PIP4K2B: variants seen among roughly 807,000 people sequenced by gnomAD.
PIP4K2B encodes phosphatidylinositol-5-phosphate 4-kinase type 2 beta, also known as phosphatidylinositol 5-phosphate 4-kinase type-2 beta.
In PIP4K2B, 3 loss-of-function variants were observed where a neutral mutation model predicts 42.0. That is an observed-to-expected ratio of 0.07 (90% CI 0.03 to 0.18). The LOEUF (loss-of-function observed/expected upper bound fraction) is 0.18. Ranked by LOEUF, PIP4K2B falls within the 10% of genes least tolerant of loss-of-function variation. PIP4K2B has a pLI of 1.00. For missense variants in PIP4K2B, 332 were observed against 562.3 expected (o/e 0.59, Z 4.14); for synonymous variants, 204 against 210.1 (o/e 0.97, Z 0.25).
At position 38,766,480 on chromosome 17, in the gene PIP4K2B, C is replaced by G. The variant is rs562457259; in HGVS notation, c.*3211G>C. The G allele has an allele frequency of 1.4e-4, 21 of 152,828 alleles. No individual in the cohort carries two copies. Among genetic ancestry groups the G allele is most frequent in the African/African-American group, 4.8e-4 (20 of 41,576 alleles). 9.5% of individuals were successfully genotyped at this position (152,828 alleles called of 1,614,324 possible). On this transcript the variant is annotated 3_prime_UTR_variant, in exon 10 of 10. Transcript: ENST00000619039. ...TTGGTCCACCTCCCCAAGGTATGCC[C>G]TGGCAGACCATGAAGACAGGAAAGG...
chr17:38,795,729 C>T (rs951793517), intron 1 of PIP4K2B, among the ~76,000 whole-genome samples: 17 of 145,074 alleles, frequency 1.2e-4, no homozygotes, highest in Non-Finnish European at 2.4e-4. Context: ...CCAGCCTGGG[C>T]GACAGAGCAA....
chr17:38,791,268 T>C (rs1005756617), intron 1 of PIP4K2B, among the ~76,000 whole-genome samples: 1 of 152,062 alleles, frequency 6.6e-6, no homozygotes, highest in Non-Finnish European at 1.5e-5. Context: ...CAAGAGCACT[T>C]GACATTAGGA....
At chr17:38,784,222 T>C (rs780114359) in intron 3 of PIP4K2B, 21 bp downstream of exon 3, 80 of 1,446,130 alleles carry the variant, frequency 5.5e-5, no homozygotes, top group Admixed American at 5.1e-4. Flanking sequence ...AATCCACTGA[T>C]GTTGCCAGGA....
intron 7 of PIP4K2B, among the ~76,000 whole-genome samples, chr17:38,777,413 G>A (rs1317689751): frequency 6.6e-6 from 1 of 152,090 alleles, no homozygotes. Flanking sequence ...AACAGCAGAA[G>A]GGAGTTTGAA....
chr17:38,780,411 CCAACCCATCCTCTG>C, intron 4 of PIP4K2B, 27 bp downstream of exon 4: 1 of 1,564,004 alleles, frequency 6.4e-7, no homozygotes, highest in Non-Finnish European at 8.7e-7. Flanking sequence ...TCTCCCTCTT[CCAACCCATCCTCTG>C]CAGCCCAGGC....
In PIP4K2B at chr17:38,771,272, A is replaced by G; in HGVS notation, c.808T>C (p.Phe270Leu). The part of the protein sequence containing the change: ...FLEKLKRDVE[F>L]LAQLKIMDYS... ...TCCATGATCTTCAGCTGTGCCAAGAACTAGGAAGGGCAAGGATGGAAAGAT... is the reference window on the plus strand; with the variant it reads ...TCCATGATCTTCAGCTGTGCCAAGAGCTAGGAAGGGCAAGGATGGAAAGAT... The change falls in exon 8 of 10, where the codon TTC (phenylalanine) becomes CTC (leucine). Residue 270 changes from phenylalanine to leucine, a missense_variant and splice_region_variant. Physicochemically the swap from Phe to Leu is conservative, Grantham distance 22. Transcript: ENST00000619039. The G allele has an allele frequency of 6.2e-7, 1 of 1,614,154 alleles. No individual in the cohort carries two copies. The highest frequency in any genetic ancestry group is 1.7e-5 in the Admixed American group (1 of 60,024).
chr17:38,786,097 C>A (rs1021282658), intron 2 of PIP4K2B, among the ~76,000 whole-genome samples: 1 of 152,284 alleles, frequency 6.6e-6, no homozygotes. Flanking sequence ...GGTGGGGTGA[C>A]AGAACCCAGC....
intron 7 of PIP4K2B, chr17:38,775,905 C>A: frequency 2.6e-6 from 1 of 390,158 alleles, no homozygotes; most frequent in South Asian, 1.9e-5. Flanking sequence ...ACACATGATA[C>A]AGTATGGATG....
intron 2 of PIP4K2B, 136 bp downstream of exon 2, chr17:38,786,687 G>T: frequency 1.4e-6 from 1 of 707,890 alleles, no homozygotes; most frequent in Non-Finnish European, 2.6e-6. Context: ...CAGTTTGTCC[G>T]CTCTGAGATC....
At chr17:38,775,760 AAGC>A (rs1909304206) in intron 7 of PIP4K2B, among the ~76,000 whole-genome samples, 1 of 151,954 alleles carries the variant, frequency 6.6e-6, no homozygotes, top group Admixed American at 6.5e-5. Context: ...TGGGAGGCTG[AAGC>A]AGGAGAATCG....
At chr17:38,778,414 A>G in intron 5 of PIP4K2B, 42 bp from the exon 6 acceptor site, 1 of 1,593,180 alleles carries the variant, frequency 6.3e-7, no homozygotes, top group East Asian at 2.2e-5. Context: ...AGCTGAGGCA[A>G]AGTCGACTGC....
intron 1 of PIP4K2B, among the ~76,000 whole-genome samples, chr17:38,793,636 C>T (rs922537617): frequency 3.3e-5 from 5 of 152,036 alleles, no homozygotes; most frequent in Non-Finnish European, 5.9e-5. Context: ...TTTGGAAGAC[C>T]GAGGTGGGCA....
At chr17:38,778,469 G>T in intron 5 of PIP4K2B, 97 bp from the exon 6 acceptor site, 4 of 1,088,884 alleles carry the variant, frequency 3.7e-6, no homozygotes, top group Non-Finnish European at 5.7e-6. Context: ...AAGTAGGCTT[G>T]TTAGAGTCCT....
At chr17:38,772,863 G>A (rs1248513582) in intron 7 of PIP4K2B, among the ~76,000 whole-genome samples, 1 of 152,158 alleles carries the variant, frequency 6.6e-6, no homozygotes, top group East Asian at 1.9e-4. Context: ...TTACAGGTGT[G>A]AGCCACTGCA....
At chr17:38,791,925 T>TA (rs1031885319) in intron 1 of PIP4K2B, among the ~76,000 whole-genome samples, 30 of 147,632 alleles carry the variant, frequency 2.0e-4, no homozygotes, top group East Asian at 1.0e-3. Flanking sequence ...CCGTCTCTAC[T>TA]AAAAAAAAAT....
At chr17:38,794,815 G>A (rs753454491) in intron 1 of PIP4K2B, among the ~76,000 whole-genome samples, 16 of 151,564 alleles carry the variant, frequency 1.1e-4, no homozygotes, top group Non-Finnish European at 2.1e-4. Flanking sequence ...AATGAAAAAG[G>A]CAGGCCAGGT....
At chr17:38,795,066 C>T (rs1042161608) in intron 1 of PIP4K2B, among the ~76,000 whole-genome samples, 2 of 129,284 alleles carry the variant, frequency 1.5e-5, no homozygotes, top group Non-Finnish European at 3.1e-5. Context: ...CACCGTTGCA[C>T]TCCAGCCAGG....
intron 7 of PIP4K2B, 81 bp from the exon 8 acceptor site, chr17:38,771,353 G>A (rs1357825249): frequency 1.3e-6 from 2 of 1,493,698 alleles, no homozygotes; most frequent in South Asian, 1.2e-5. Context: ...AGGGGGGAAA[G>A]GCATTCCTTT....
chr17:38,780,281 G>A (rs1186942980), intron 4 of PIP4K2B, among the ~76,000 whole-genome samples, 171 bp downstream of exon 4: 8 of 152,106 alleles, frequency 5.3e-5, no homozygotes, highest in African/African-American at 1.4e-4. Flanking sequence ...CTTTTTTAAA[G>A]TAGGCATTTC....
Sources: gnomAD v4.1 joint callset for allele counts (sites outside exome capture counted in the v4.1 genomes callset) on GRCh38, gnomAD v4.1.1 for gene constraint, MANE v1.5 for transcripts, NCBI Gene and HGNC (gene_info 2026-07-23, HGNC 2026-07-21) for gene names.